Variants in CNTNAP2 observed in about 807,000 individuals in gnomAD.
CNTNAP2 encodes contactin-associated protein-like 2.
In CNTNAP2, 98 loss-of-function variants were observed where a neutral mutation model predicts 155.2. The ratio of observed to expected loss-of-function variants is 0.63; its 90% CI spans 0.54 to 0.75. The LOEUF (loss-of-function observed/expected upper bound fraction) is 0.75. Ranked by LOEUF, CNTNAP2 falls within the 30% of genes least tolerant of loss-of-function variation. The probability of loss-of-function intolerance (pLI) is 0.00; values close to 1 mark genes in which losing one functional copy is unlikely to be tolerated. For synonymous variants in CNTNAP2, 651 were observed against 631.2 expected, an observed-to-expected ratio of 1.03 and a Z score of -0.47; for missense variants, 1,727 against 1,688.1, an observed-to-expected ratio of 1.02 and a Z score of -0.40.
intron 13 of CNTNAP2, among the ~76,000 whole-genome samples, chr7:147,821,157 A>T (rs1312153266): frequency 1.3e-5 from 2 of 152,140 alleles, no homozygotes; most frequent in Non-Finnish European, 2.9e-5. Flanking sequence ...TATAAAGAGG[A>T]ATAGGAATTT....
intron 15 of CNTNAP2, among the ~76,000 whole-genome samples, chr7:148,011,476 A>G (rs528317087): frequency 6.6e-6 from 1 of 152,122 alleles, no homozygotes; most frequent in Non-Finnish European, 1.5e-5. Flanking sequence ...TATCTTTTTT[A>G]TAATTATTAC....
At chr7:147,608,238 G>T (rs963938401) in intron 12 of CNTNAP2, among the ~76,000 whole-genome samples, 3 of 151,132 alleles carry the variant, frequency 2.0e-5, no homozygotes, top group Non-Finnish European at 4.4e-5. Flanking sequence ...ATGGTTTTAA[G>T]AAGTACCTTG....
intron 3 of CNTNAP2, 38 bp from the exon 4 acceptor site, chr7:147,043,869 A>G (rs1314437283): frequency 6.2e-7 from 1 of 1,612,724 alleles, no homozygotes; most frequent in East Asian, 2.2e-5. Context: ...TTTCTAAAGT[A>G]TTTTTCCCAA....
At chr7:148,360,112 C>A (rs1379837511) in intron 21 of CNTNAP2, among the ~76,000 whole-genome samples, 1 of 152,104 alleles carries the variant, frequency 6.6e-6, no homozygotes, top group Non-Finnish European at 1.5e-5. Context: ...TAATTTAGAG[C>A]ATAAGAATAA....
At chr7:148,104,473 G>A (rs1804168280) in intron 15 of CNTNAP2, among the ~76,000 whole-genome samples, 1 of 152,126 alleles carries the variant, frequency 6.6e-6, no homozygotes, top group East Asian at 1.9e-4. Context: ...AACACATAAA[G>A]GCTGCCTGGC....
chr7:146,856,297 GATAC>G (rs71165043), intron 3 of CNTNAP2, among the ~76,000 whole-genome samples: 2,383 of 116,476 alleles, frequency 0.02, 37 homozygotes, highest in Non-Finnish European at 0.03. Flanking sequence ...TAGATAGATA[GATAC>G]ATACATACAT....
At chr7:147,099,296 G>C (rs926117787) in intron 4 of CNTNAP2, among the ~76,000 whole-genome samples, 1 of 152,150 alleles carries the variant, frequency 6.6e-6, no homozygotes, top group African/African-American at 2.4e-5. Context: ...TATTTGGAAA[G>C]TGTGCTTACC....
intron 3 of CNTNAP2, among the ~76,000 whole-genome samples, chr7:146,938,876 A>C (rs1796985024): frequency 6.6e-6 from 1 of 152,180 alleles, no homozygotes; most frequent in African/African-American, 2.4e-5. Flanking sequence ...AGATATTGGT[A>C]GTCCCAGAAA....
chr7:147,805,580 T>C lies in CNTNAP2; in HGVS notation c.2099-97985T>C, dbSNP rs558939776. On this transcript the variant is annotated intron_variant, in intron 13 of 23. Coordinates refer to ENST00000361727, the MANE Select transcript of CNTNAP2 (RefSeq NM_014141.6). The stretch of plus-strand genomic sequence containing the variant: ...ATGGGTTTGTCAGATACAGCCTTTA[T>C]TGTGTTGAGCTATGTTCTTTTGTAC... Among the ~76,000 whole-genome samples, 133 of 152,326 alleles carry C rather than the reference T, an allele frequency of 8.7e-4. 2 individuals are homozygous for C. The South Asian group carries it at 0.025, about 29-fold the overall frequency.
intron 1 of CNTNAP2, among the ~76,000 whole-genome samples, chr7:146,252,077 G>A (rs907127716): frequency 1.3e-5 from 2 of 152,166 alleles, no homozygotes; most frequent in African/African-American, 4.8e-5. Flanking sequence ...CTATCCTGCA[G>A]TTTTCAACGC....
chr7:148,041,631 A>G (rs1301519710), intron 15 of CNTNAP2, among the ~76,000 whole-genome samples: 1 of 152,232 alleles, frequency 6.6e-6, no homozygotes, highest in African/African-American at 2.4e-5. Context: ...ATAGCTCCAC[A>G]AAGTTCATGC....
chr7:147,856,715 C>A (rs1799046515), intron 13 of CNTNAP2, among the ~76,000 whole-genome samples: 1 of 151,264 alleles, frequency 6.6e-6, no homozygotes, highest in South Asian at 2.1e-4. Flanking sequence ...TCTTATCAGG[C>A]AATAGCCAAG....
intron 13 of CNTNAP2, among the ~76,000 whole-genome samples, chr7:147,706,181 G>GTT (rs767715009): frequency 1.3e-4 from 18 of 133,520 alleles, no homozygotes; most frequent in African/African-American, 3.3e-4. Flanking sequence ...AACATTTGAG[G>GTT]TTTTTTTTTT....
chr7:147,505,371 G>T (rs891134956), intron 11 of CNTNAP2, among the ~76,000 whole-genome samples: 3 of 147,772 alleles, frequency 2.0e-5, no homozygotes, highest in African/African-American at 8.0e-5. Context: ...GTTGCCATGC[G>T]CACACACATA....
At position 148,097,340 on chromosome 7, in the gene CNTNAP2, T is replaced by TAAAA. The variant is rs754030091; in HGVS notation, c.2384-20759_2384-20756dup. Reference sequence around the variant, plus strand: ...GTTTAAATTCAGCTCGTGTCATTTGTAAAAAAAAAAAAAAAAAAAAAACCA... The same window carrying TAAAA: ...GTTTAAATTCAGCTCGTGTCATTTGTAAAAAAAAAAAAAAAAAAAAAAAAAACCA... On this transcript the variant is annotated intron_variant, in intron 15 of 23. Coordinates refer to ENST00000361727, the MANE Select transcript of CNTNAP2 (RefSeq NM_014141.6). Among the ~76,000 whole-genome samples, 569 of 78,442 alleles carry TAAAA rather than the reference T, an allele frequency of 7.3e-3. 4 individuals are homozygous for TAAAA. The highest frequency in any genetic ancestry group is 0.02 in the East Asian group (60 of 3,022). The allele number at this position is 78,442 out of a possible 152,430, so 51.5% of individuals were successfully genotyped here. A position where few individuals can be genotyped will look rare whatever the true frequency, so the allele number is the denominator to read the frequency against.
At chr7:147,516,586 T>C (rs1252935746) in intron 11 of CNTNAP2, among the ~76,000 whole-genome samples, 1 of 148,516 alleles carries the variant, frequency 6.7e-6, no homozygotes, top group East Asian at 2.0e-4. Context: ...ATTAGCTTAC[T>C]AATGTATGTG....
intron 1 of CNTNAP2, among the ~76,000 whole-genome samples, chr7:146,423,672 G>A (rs534431773): frequency 6.6e-6 from 1 of 152,282 alleles, no homozygotes; most frequent in East Asian, 1.9e-4. Context: ...ATGCAGATTG[G>A]CCTCTTTGTG....
intron 1 of CNTNAP2, among the ~76,000 whole-genome samples, chr7:146,688,254 C>A (rs1318830661): frequency 6.6e-6 from 1 of 152,058 alleles, no homozygotes; most frequent in African/African-American, 2.4e-5. Flanking sequence ...TCATCTGATA[C>A]AGCAATAATC....
At chr7:146,809,427 T>G (rs1023564872) in intron 2 of CNTNAP2, among the ~76,000 whole-genome samples, 1 of 152,122 alleles carries the variant, frequency 6.6e-6, no homozygotes, top group Non-Finnish European at 1.5e-5. Flanking sequence ...AGTGGTGCGG[T>G]GTCGGCTCAC....
Sources: allele counts gnomAD v4.1 joint callset (sites outside exome capture counted in the v4.1 genomes callset), GRCh38; gene constraint gnomAD v4.1.1; transcripts MANE v1.5; gene names NCBI Gene and HGNC (gene_info 2026-07-23, HGNC 2026-07-21).